The following STAU2 variants were observed in gnomAD, a reference collection of about 807,000 sequenced individuals.
STAU2 encodes staufen double-stranded RNA binding protein 2.
In STAU2, 20 loss-of-function variants were observed where a neutral mutation model predicts 65.9. The ratio of observed to expected loss-of-function variants is 0.30; its 90% CI spans 0.21 to 0.44. The LOEUF (loss-of-function observed/expected upper bound fraction) is 0.44. Ranked by LOEUF, STAU2 falls within the 20% of genes least tolerant of loss-of-function variation. STAU2 has a pLI of 1.00. For synonymous variants in STAU2, 232 were observed against 233.9 expected, an observed-to-expected ratio of 0.99 and a Z score of 0.07; for missense variants, 558 against 683.9, an observed-to-expected ratio of 0.82 and a Z score of 2.05.
intron 11 of STAU2, among the ~76,000 whole-genome samples, chr8:73,587,535 C>T (rs373950501): frequency 6.6e-6 from 1 of 151,900 alleles, no homozygotes. Context: ...GTAGGGTGTA[C>T]GTTGGGAAAG....
At position 73,549,913 on chromosome 8, in the gene STAU2, A is replaced by C. The variant is rs550913197; in HGVS notation, c.1530+2099T>G. On this transcript the variant is annotated intron_variant, in intron 13 of 14. Coordinates refer to ENST00000524300, the MANE Select transcript of STAU2 (RefSeq NM_001164380.2). Reference sequence around the variant, plus strand: ...ATTAAAACATTTAAGTAATAGAAACAATCTACATGTTTTTCTACCAGGTAA... The same window carrying C: ...ATTAAAACATTTAAGTAATAGAAACCATCTACATGTTTTTCTACCAGGTAA... 97 of 985,800 alleles carry C rather than the reference A, an allele frequency of 9.8e-5. No homozygotes were observed. The African/African-American group carries it at 1.4e-3, about 14-fold the overall frequency. 61.1% of individuals were successfully genotyped at this position (985,800 alleles called of 1,614,324 possible).
intron 13 of STAU2, among the ~76,000 whole-genome samples, chr8:73,507,090 A>T (rs1822112244): frequency 6.6e-6 from 1 of 152,152 alleles, no homozygotes; most frequent in South Asian, 2.1e-4. Context: ...GTTGGAATCA[A>T]CTTCTTCCAA....
At chr8:73,466,964 G>A (rs907791406) in intron 13 of STAU2, among the ~76,000 whole-genome samples, 6 of 152,172 alleles carry the variant, frequency 3.9e-5, no homozygotes, top group African/African-American at 1.2e-4. Context: ...AGTCTCCCCT[G>A]CCTGAAATGG....
In STAU2 at chr8:73,673,519, A is replaced by G. The variant is rs527392832; in HGVS notation, c.275-277T>C. Among the ~76,000 whole-genome samples the G allele has an allele frequency of 4.6e-5, 7 of 152,242 alleles. No homozygotes were observed. In the South Asian group the frequency reaches 1.0e-3, roughly 23 times the overall value. On this transcript the variant is annotated intron_variant, in intron 5 of 14. Coordinates refer to ENST00000524300, the MANE Select transcript of STAU2 (RefSeq NM_001164380.2). ...AACATAGTAAACAGATGATTCTTAGATTGCTAACCGTGAATATTATTTTTT... is the reference window on the plus strand; with the variant it reads ...AACATAGTAAACAGATGATTCTTAGGTTGCTAACCGTGAATATTATTTTTT...
At chr8:73,745,900 C>T (rs1807236005) in intron 1 of STAU2, among the ~76,000 whole-genome samples, 1 of 152,116 alleles carries the variant, frequency 6.6e-6, no homozygotes, top group African/African-American at 2.4e-5. Flanking sequence ...CCCAGAGTGG[C>T]GTGCTTCTCA....
At chr8:73,736,075 G>A (rs1586381964) in intron 3 of STAU2, among the ~76,000 whole-genome samples, 1 of 152,162 alleles carries the variant, frequency 6.6e-6, no homozygotes, top group South Asian at 2.1e-4. Flanking sequence ...ACAGCACTAC[G>A]ATTTCTTTAA....
intron 13 of STAU2, among the ~76,000 whole-genome samples, chr8:73,432,952 A>G (rs1280619231): frequency 1.3e-5 from 2 of 152,194 alleles, no homozygotes; most frequent in African/African-American, 4.8e-5. Flanking sequence ...TGGGGAATTC[A>G]TTTAAAATCG....
intron 13 of STAU2, among the ~76,000 whole-genome samples, chr8:73,485,832 TCAAA>T (rs749818136): frequency 3.0e-4 from 46 of 151,814 alleles, no homozygotes; most frequent in African/African-American, 7.3e-4. Context: ...GGACCCTATC[TCAAA>T]CAAACAAACA....
At chr8:73,746,408 C>T (rs1489857964) in intron 1 of STAU2, among the ~76,000 whole-genome samples, 3 of 152,020 alleles carry the variant, frequency 2.0e-5, no homozygotes, top group African/African-American at 7.2e-5. Context: ...CCCTAGAACC[C>T]CAGCCTCCCG....
At chr8:73,677,374 T>C (rs1818099496) in intron 5 of STAU2, among the ~76,000 whole-genome samples, 1 of 152,198 alleles carries the variant, frequency 6.6e-6, no homozygotes, top group African/African-American at 2.4e-5. Context: ...GAGAAATGTA[T>C]GCATTTTAAG....
intron 12 of STAU2, among the ~76,000 whole-genome samples, chr8:73,557,796 T>C (rs1029310433): frequency 3.3e-5 from 5 of 152,192 alleles, no homozygotes; most frequent in African/African-American, 1.2e-4. Flanking sequence ...TCATTCACCC[T>C]TTATCTGAAG....
intron 12 of STAU2, among the ~76,000 whole-genome samples, chr8:73,560,446 T>A (rs895660181): frequency 2.0e-5 from 3 of 152,182 alleles, no homozygotes; most frequent in African/African-American, 7.2e-5. Context: ...ACCTTGCTCT[T>A]ACCCTTAGAG....
chr8:73,632,324 C>A (rs1814159435), intron 6 of STAU2, among the ~76,000 whole-genome samples: 1 of 150,196 alleles, frequency 6.7e-6, no homozygotes, highest in African/African-American at 2.5e-5. Context: ...CATACTCTTA[C>A]AAAGACAGGA....
At chr8:73,452,263 G>A (rs1449315564) in intron 13 of STAU2, among the ~76,000 whole-genome samples, 2 of 151,928 alleles carry the variant, frequency 1.3e-5, no homozygotes, top group East Asian at 1.9e-4. Flanking sequence ...CATGACACCC[G>A]GCTCTGTGAC....
At chr8:73,535,838 T>C (rs1806144738) in intron 13 of STAU2, among the ~76,000 whole-genome samples, 1 of 152,228 alleles carries the variant, frequency 6.6e-6, no homozygotes, top group Non-Finnish European at 1.5e-5. Context: ...AACTCTTCTC[T>C]CTATGGGGCA....
intron 6 of STAU2, among the ~76,000 whole-genome samples, chr8:73,630,557 C>A (rs1814015201): frequency 6.6e-6 from 1 of 152,200 alleles, no homozygotes; most frequent in Non-Finnish European, 1.5e-5. Flanking sequence ...CAAAGACATT[C>A]TTTTCTGTGG....
chr8:73,606,850 A>C (rs989807153), intron 9 of STAU2, among the ~76,000 whole-genome samples: 2 of 152,228 alleles, frequency 1.3e-5, no homozygotes, highest in African/African-American at 4.8e-5. Flanking sequence ...GAATGGATAA[A>C]CAAGTGGTGG....
intron 6 of STAU2, among the ~76,000 whole-genome samples, chr8:73,648,149 A>G (rs1230582213): frequency 6.6e-6 from 1 of 152,262 alleles, no homozygotes; most frequent in African/African-American, 2.4e-5. Flanking sequence ...AATAGTAATT[A>G]GCAGTATCTA....
chr8:73,699,205 C>T (rs1819903304), intron 4 of STAU2, among the ~76,000 whole-genome samples: 1 of 151,884 alleles, frequency 6.6e-6, no homozygotes, highest in Admixed American at 6.6e-5. Flanking sequence ...TAGCTACACA[C>T]ACCTACATCA....
Sources: allele counts gnomAD v4.1 joint callset (sites outside exome capture counted in the v4.1 genomes callset), GRCh38; gene constraint gnomAD v4.1.1; transcripts MANE v1.5; gene names NCBI Gene and HGNC (gene_info 2026-07-23, HGNC 2026-07-21).